GNG7: variants seen among roughly 807,000 people sequenced by gnomAD.
GNG7 encodes guanine nucleotide-binding protein G(I)/G(S)/G(O) subunit gamma-7.
Under a neutral mutation model 4.0 loss-of-function variants are expected in GNG7, and 1 was observed. The ratio of observed to expected loss-of-function variants is 0.25; its 90% CI spans 0.09 to 1.18. The LOEUF (loss-of-function observed/expected upper bound fraction) is 1.18. Among genes scored for constraint, GNG7 ranks in the 50% most tolerant of loss-of-function variants. GNG7 has a pLI of 0.50. For synonymous variants in GNG7, 34 were observed against 36.9 expected, an observed-to-expected ratio of 0.92 and a Z score of 0.29; for missense variants, 86 against 91.9, an observed-to-expected ratio of 0.94 and a Z score of 0.26.
At chr19:2,656,545 C>T (rs932140116) in intron 1 of GNG7, among the ~76,000 whole-genome samples, 9 of 151,668 alleles carry the variant, frequency 5.9e-5, no homozygotes, top group East Asian at 3.9e-4. Context: ...GGTTGCAGTG[C>T]GCCAAGATCA....
intron 1 of GNG7, among the ~76,000 whole-genome samples, chr19:2,695,880 C>T (rs1913233007): frequency 6.6e-6 from 1 of 151,988 alleles, no homozygotes; most frequent in Admixed American, 6.6e-5. Flanking sequence ...CAGAAGGGGC[C>T]GGGCATGGGG....
At chr19:2,668,465 G>A (rs1983367347) in intron 1 of GNG7, among the ~76,000 whole-genome samples, 1 of 152,188 alleles carries the variant, frequency 6.6e-6, no homozygotes, top group South Asian at 2.1e-4. Flanking sequence ...GGTTGGTCTT[G>A]TCTCCTGTTT....
intron 2 of GNG7, among the ~76,000 whole-genome samples, chr19:2,580,168 C>T (rs898589422): frequency 1.3e-5 from 2 of 152,188 alleles, no homozygotes; most frequent in Admixed American, 6.6e-5. Flanking sequence ...CCTGCCAACC[C>T]TACCAGTCCC....
intron 2 of GNG7, among the ~76,000 whole-genome samples, chr19:2,640,865 G>A (rs1260369688): frequency 6.6e-6 from 1 of 152,174 alleles, no homozygotes; most frequent in Non-Finnish European, 1.5e-5. Context: ...CTGGGCTCAA[G>A]CCATCCTCCC....
At chr19:2,655,003 A>G (rs1033411731) in intron 1 of GNG7, among the ~76,000 whole-genome samples, 3 of 152,150 alleles carry the variant, frequency 2.0e-5, no homozygotes, top group African/African-American at 4.8e-5. Context: ...CCTGGACCAC[A>G]TAGCAAGACC....
intron 2 of GNG7, among the ~76,000 whole-genome samples, chr19:2,631,742 C>T (rs1281900277): frequency 6.6e-6 from 1 of 152,158 alleles, no homozygotes; most frequent in Non-Finnish European, 1.5e-5. Flanking sequence ...GGTGGGGGCA[C>T]AGCATGTCTG....
Position 2,614,646 on chromosome 19 carries a change from G to C in GNG7, c.-78+31578C>G, listed in dbSNP as rs771375394. Among the ~76,000 whole-genome samples, 3 of 152,272 alleles carry C rather than the reference G, an allele frequency of 2.0e-5. No individual in the cohort carries two copies. Among genetic ancestry groups the C allele is most frequent in the South Asian group, 2.1e-4 (1 of 4,826 alleles). On this transcript the variant is annotated intron_variant, in intron 2 of 4. Coordinates refer to ENST00000382159, the MANE Select transcript of GNG7 (RefSeq NM_052847.3). The surrounding 1 kb of genome is among the most constrained non-coding windows in gnomAD (Gnocchi z 6.0). ...AGAGTCTCGTTCACGGCTGAGTCTC[G>C]TTCCAGTGTGTGGAGGGCCACGCTG... is the stretch of plus-strand genomic sequence containing the variant.
chr19:2,531,553 C>T lies in GNG7; in HGVS notation c.-37-10828G>A, dbSNP rs150103258. The stretch of plus-strand genomic sequence containing the variant: ...AATACAGGCCGGGCGCGGTGGCTCA[C>T]GAGGTCAGGAGATCAAGACCATCCT... On this transcript the variant is annotated intron_variant, in intron 3 of 4. Transcript: ENST00000382159. Among the ~76,000 whole-genome samples, 475 of 151,994 alleles carry T rather than the reference C, an allele frequency of 3.1e-3. 7 individuals are homozygous for T. Among genetic ancestry groups the T allele is most frequent in the African/African-American group, 0.011 (440 of 41,446 alleles).
intron 2 of GNG7, among the ~76,000 whole-genome samples, chr19:2,598,689 TAATAA>T (rs999236619): frequency 1.1e-4 from 11 of 103,172 alleles, no homozygotes; most frequent in African/African-American, 3.2e-4. Context: ...ATAATAATAA[TAATAA>T]TAATAATAAT....
At chr19:2,676,686 G>C (rs971509483) in intron 1 of GNG7, among the ~76,000 whole-genome samples, 3 of 152,160 alleles carry the variant, frequency 2.0e-5, no homozygotes, top group African/African-American at 7.2e-5. Flanking sequence ...ATAGTCCTGG[G>C]ATTACAGGTG....
chr19:2,538,753 G>GAT, intron 3 of GNG7: 1 of 431,278 alleles, frequency 2.3e-6, no homozygotes, highest in Admixed American at 2.8e-5. Context: ...AGACTTCCTA[G>GAT]ATATATATAT....
intron 4 of GNG7, among the ~76,000 whole-genome samples, chr19:2,519,018 G>C (rs954011192): frequency 6.6e-6 from 1 of 151,630 alleles, no homozygotes; most frequent in South Asian, 2.1e-4. Context: ...GGCTGGTCTC[G>C]AACTCCTGAC....
chr19:2,605,791 T>C (rs966972863), intron 2 of GNG7, among the ~76,000 whole-genome samples: 5 of 151,948 alleles, frequency 3.3e-5, no homozygotes, highest in East Asian at 1.9e-4. Context: ...GGATGACAGG[T>C]GTGAGCCACC....
In GNG7 at chr19:2,571,098, G is replaced by C. The variant is rs534540159; in HGVS notation, c.-77-15910C>G. On this transcript the variant is annotated intron_variant, in intron 2 of 4. Coordinates refer to ENST00000382159, the MANE Select transcript of GNG7 (RefSeq NM_052847.3). ...ATGATAGGCGTGAGCCACCGTGCCC[G>C]GCGGAGTTGTCCAGCTTTAACAAAC... Among the ~76,000 whole-genome samples, 3 of 152,026 alleles carry C rather than the reference G, an allele frequency of 2.0e-5. No individual in the cohort carries two copies. The South Asian group carries it at 6.2e-4, about 32-fold the overall frequency.
At chr19:2,647,655 T>C (rs973613635) in intron 1 of GNG7, among the ~76,000 whole-genome samples, 4 of 151,988 alleles carry the variant, frequency 2.6e-5, no homozygotes, top group Non-Finnish European at 5.9e-5. Flanking sequence ...GAGATCAAGG[T>C]TGCTGTGAGC....
chr19:2,624,651 T>TCGTCTC (rs1420056562), intron 2 of GNG7, among the ~76,000 whole-genome samples: 5 of 152,022 alleles, frequency 3.3e-5, no homozygotes, highest in Non-Finnish European at 7.4e-5. Context: ...AGCAGGCCTC[T>TCGTCTC]CGTCTCCGGA....
At chr19:2,625,236 T>C (rs375904922) in intron 2 of GNG7, among the ~76,000 whole-genome samples, 25 of 152,256 alleles carry the variant, frequency 1.6e-4, no homozygotes, top group African/African-American at 6.0e-4. Flanking sequence ...ACCCGGCTAA[T>C]TTTTAAAAAT....
At chr19:2,538,076 C>CAAACA (rs71337145) in intron 3 of GNG7, 247,517 of 433,176 alleles carry the variant, frequency 0.57, 71,192 homozygotes, top group East Asian at 0.88. Flanking sequence ...GACTCTCTCT[C>CAAACA]AAACAAAACA....
intron 3 of GNG7, among the ~76,000 whole-genome samples, chr19:2,552,536 C>G (rs754434334): frequency 2.0e-5 from 3 of 151,954 alleles, no homozygotes; most frequent in Admixed American, 6.6e-5. Context: ...AGGTGCCCAC[C>G]ACCACGCCTG....
Sources: allele counts gnomAD v4.1 joint callset (sites outside exome capture counted in the v4.1 genomes callset), GRCh38; gene constraint gnomAD v4.1.1; non-coding constraint Gnocchi (gnomAD v3.1); transcripts MANE v1.5; gene names NCBI Gene and HGNC (gene_info 2026-07-23, HGNC 2026-07-21).